The following CLYBL variants were observed in gnomAD, a reference collection of about 807,000 sequenced individuals.
The protein encoded by CLYBL is citramalyl-CoA lyase, mitochondrial.
In CLYBL, 31 loss-of-function variants were observed where a neutral mutation model predicts 38.9. The ratio of observed to expected loss-of-function variants is 0.80; its 90% confidence interval spans 0.60 to 1.08. The LOEUF (loss-of-function observed/expected upper bound fraction) is 1.08. Ranked by LOEUF, CLYBL falls within the 50% of genes least tolerant of loss-of-function variation. The pLI, the probability that CLYBL is intolerant of heterozygous loss-of-function variation, is 0.00. For missense variants in CLYBL, 434 were observed against 411.6 expected, an observed-to-expected ratio of 1.05 and a Z score of -0.47; for synonymous variants, 171 against 158.6, an observed-to-expected ratio of 1.08 and a Z score of -0.59.
At chr13:99,838,329 ACT>A (rs1491193497) in intron 2 of CLYBL, among the ~76,000 whole-genome samples, 5 of 152,200 alleles carry the variant, frequency 3.3e-5, no homozygotes, top group South Asian at 4.1e-4. Flanking sequence ...GAGTATCTCT[ACT>A]GTTTGGAGGA....
At chr13:99,812,504 C>T (rs541269712) in intron 2 of CLYBL, among the ~76,000 whole-genome samples, 2 of 152,252 alleles carry the variant, frequency 1.3e-5, no homozygotes, top group African/African-American at 4.8e-5. Context: ...GCCCCTGTGG[C>T]CTTGGGCAGG....
chr13:99,729,425 G>A (rs1212577345), intron 1 of CLYBL, among the ~76,000 whole-genome samples: 1 of 152,152 alleles, frequency 6.6e-6, no homozygotes, highest in African/African-American at 2.4e-5. Flanking sequence ...GGAGGTGGTG[G>A]CAGCCAGAGA....
At chr13:99,727,498 A>G (rs1333108443) in intron 1 of CLYBL, 1 of 150,230 alleles carries the variant, frequency 6.7e-6, no homozygotes, top group Non-Finnish European at 1.5e-5. Flanking sequence ...ATCTGCTGCA[A>G]CCAAGTAGAA....
chr13:99,781,783 G>T (rs549394163), intron 2 of CLYBL, among the ~76,000 whole-genome samples: 1 of 152,220 alleles, frequency 6.6e-6, no homozygotes, highest in East Asian at 1.9e-4. Context: ...TGGCCAGTTT[G>T]TTTATTTTCT....
Position 99,790,569 on chromosome 13 carries a change from C to G in CLYBL, c.249+17559C>G, listed in dbSNP as rs952952047. ...GCTTGTAGAGTTACTGCTGAGAGAT[C>G]CACTGTTAGTCTGATGGGTTTCCCT... On this transcript the variant is annotated intron_variant, in intron 2 of 8. Coordinates refer to ENST00000339105, the MANE Select transcript of CLYBL (RefSeq NM_206808.5). 3.9e-5 allele frequency among the ~76,000 whole-genome samples: 6 copies of G among 152,188 alleles called. No individual in the cohort carries two copies. The East Asian group carries it at 1.2e-3, about 29-fold the overall frequency.
intron 8 of CLYBL, among the ~76,000 whole-genome samples, chr13:99,905,253 C>G (rs181844885): frequency 6.6e-6 from 1 of 151,642 alleles, no homozygotes; most frequent in African/African-American, 2.4e-5. Context: ...ACCTGTTTTT[C>G]TTTTTTTTTA....
chr13:99,633,694 CTG>C (rs1245289032), intron 1 of CLYBL, among the ~76,000 whole-genome samples: 18 of 152,050 alleles, frequency 1.2e-4, no homozygotes, highest in Admixed American at 5.9e-4. Context: ...TTGTACAGCA[CTG>C]TGAATTTTAA....
intron 1 of CLYBL, among the ~76,000 whole-genome samples, chr13:99,672,199 T>TC (rs1421642319): frequency 6.6e-6 from 1 of 151,114 alleles, no homozygotes. Flanking sequence ...TCTTTTTTTT[T>TC]TTCTTTTTTT....
At chr13:99,867,209 T>G (rs953929753) in intron 6 of CLYBL, among the ~76,000 whole-genome samples, 1 of 152,186 alleles carries the variant, frequency 6.6e-6, no homozygotes, top group African/African-American at 2.4e-5. Flanking sequence ...GTTCTTCTGT[T>G]GTTGAAAGTT....
chr13:99,840,750 C>CAAAAA (rs59274056), intron 2 of CLYBL, among the ~76,000 whole-genome samples: 6 of 16,812 alleles, frequency 3.6e-4, no homozygotes, highest in African/African-American at 1.2e-3. Context: ...ACCCTTGTCT[C>CAAAAA]AAAAAAAAAA....
At chr13:99,718,369 A>G (rs1201545955) in intron 1 of CLYBL, among the ~76,000 whole-genome samples, 1 of 149,532 alleles carries the variant, frequency 6.7e-6, no homozygotes, top group Non-Finnish European at 1.5e-5. Context: ...ATAGATTAAA[A>G]AAAAGAAAAA....
chr13:99,677,378 T>G (rs981430548), intron 1 of CLYBL, among the ~76,000 whole-genome samples: 3 of 152,194 alleles, frequency 2.0e-5, no homozygotes, highest in African/African-American at 4.8e-5. Context: ...TTAGATTTAC[T>G]TCTGGGGAGC....
intron 1 of CLYBL, among the ~76,000 whole-genome samples, chr13:99,763,332 G>A (rs771755644): frequency 8.5e-5 from 13 of 152,054 alleles, no homozygotes; most frequent in Non-Finnish European, 1.0e-4. Context: ...ATATTTTGAG[G>A]TATGTTCTTC....
intron 2 of CLYBL, among the ~76,000 whole-genome samples, chr13:99,793,048 AC>A (rs2049951682): frequency 6.6e-6 from 1 of 151,702 alleles, no homozygotes; most frequent in African/African-American, 2.4e-5. Context: ...ACACACACAC[AC>A]ACACACACAC....
At chr13:99,885,798 C>T (rs1264614616) in intron 7 of CLYBL, among the ~76,000 whole-genome samples, 1 of 152,180 alleles carries the variant, frequency 6.6e-6, no homozygotes, top group South Asian at 2.1e-4. Context: ...TGAAACAGTG[C>T]CCATGAGAGT....
chr13:99,653,671 CT>C (rs1331164857), intron 1 of CLYBL, among the ~76,000 whole-genome samples: 3 of 151,534 alleles, frequency 2.0e-5, no homozygotes, highest in Non-Finnish European at 4.4e-5. Flanking sequence ...CTAGCTTTTT[CT>C]TTTTTTTTCA....
At chr13:99,803,282 A>G (rs1332787805) in intron 2 of CLYBL, among the ~76,000 whole-genome samples, 2 of 152,226 alleles carry the variant, frequency 1.3e-5, no homozygotes, top group Non-Finnish European at 2.9e-5. Context: ...ATGTGTTGCT[A>G]CAGTCACTAA....
At chr13:99,614,480 A>G (rs929420473) in intron 1 of CLYBL, among the ~76,000 whole-genome samples, 3 of 152,098 alleles carry the variant, frequency 2.0e-5, no homozygotes, top group African/African-American at 4.8e-5. Flanking sequence ...TCCCTGAGCA[A>G]AAACCAGTGG....
At chr13:99,864,961 G>A (rs1243758594) in intron 5 of CLYBL, 50 bp downstream of exon 5, 9 of 1,238,620 alleles carry the variant, frequency 7.3e-6, no homozygotes, top group Non-Finnish European at 1.1e-5. Flanking sequence ...GTGTGTATAT[G>A]TGTGTATATA....
Sources: allele counts gnomAD v4.1 joint callset (sites outside exome capture counted in the v4.1 genomes callset), GRCh38; gene constraint gnomAD v4.1.1; transcripts MANE v1.5; gene names NCBI Gene and HGNC (gene_info 2026-07-23, HGNC 2026-07-21).